LRRC4C: variants seen among roughly 807,000 people sequenced by gnomAD.
The protein encoded by LRRC4C is leucine-rich repeat-containing protein 4C.
Under a neutral mutation model 33.6 loss-of-function variants are expected in LRRC4C, and 5 were observed. The ratio of observed to expected loss-of-function variants is 0.15; its 90% confidence interval spans 0.08 to 0.31. The LOEUF is 0.31. Ranked by LOEUF, LRRC4C falls within the 10% of genes least tolerant of loss-of-function variation. The probability of loss-of-function intolerance (pLI) is 1.00; values close to 1 mark genes in which losing one functional copy is unlikely to be tolerated. For missense variants in LRRC4C, 560 were observed against 796.7 expected (o/e 0.70, Z 3.58); for synonymous variants, 329 against 302.0 (o/e 1.09, Z -0.93).
At chr11:41,194,877 T>A (rs1309010331) in intron 1 of LRRC4C, among the ~76,000 whole-genome samples, 1 of 152,088 alleles carries the variant, frequency 6.6e-6, no homozygotes, top group Non-Finnish European at 1.5e-5. Context: ...ATACCAGATA[T>A]GGAATATGTA....
At chr11:40,832,606 G>A (rs945322481) in intron 2 of LRRC4C, among the ~76,000 whole-genome samples, 1 of 152,092 alleles carries the variant, frequency 6.6e-6, no homozygotes, top group Admixed American at 6.6e-5. Context: ...CAAATGGCAA[G>A]CAAATAAAAG....
chr11:40,901,062 C>A (rs920154857), intron 2 of LRRC4C, among the ~76,000 whole-genome samples: 1 of 151,940 alleles, frequency 6.6e-6, no homozygotes, highest in Non-Finnish European at 1.5e-5. Context: ...ATTTTCAATT[C>A]CTTTTCTTTT....
chr11:40,411,615 T>A (rs1950159046), intron 3 of LRRC4C, among the ~76,000 whole-genome samples: 1 of 152,104 alleles, frequency 6.6e-6, no homozygotes, highest in South Asian at 2.1e-4. Flanking sequence ...AAAATGTGTA[T>A]AAATTATTTG....
intron 2 of LRRC4C, among the ~76,000 whole-genome samples, chr11:40,733,858 C>T (rs919733133): frequency 6.6e-6 from 1 of 152,094 alleles, no homozygotes; most frequent in African/African-American, 2.4e-5. Flanking sequence ...GTGGTAAAAT[C>T]CACTCTTCTT....
At chr11:40,243,854 AT>A (rs60367465) in intron 4 of LRRC4C, among the ~76,000 whole-genome samples, 25,279 of 127,266 alleles carry the variant, frequency 0.2, 2,307 homozygotes, top group Admixed American at 0.3. Context: ...ACACCTGGGT[AT>A]TTTTTTTTTT....
chr11:41,021,939 CT>C (rs1366267212), intron 1 of LRRC4C, among the ~76,000 whole-genome samples: 2 of 151,802 alleles, frequency 1.3e-5, no homozygotes, highest in African/African-American at 4.8e-5. Flanking sequence ...TGCGTCAATA[CT>C]TTGCATTGAA....
intron 3 of LRRC4C, among the ~76,000 whole-genome samples, chr11:40,400,807 C>T (rs981988527): frequency 2.6e-5 from 4 of 152,100 alleles, no homozygotes; most frequent in Admixed American, 2.6e-4. Context: ...ATGTCATTCC[C>T]TCCTCAAATC....
Position 40,331,667 on chromosome 11 carries a change from G to T in LRRC4C, c.-269-11946C>A, listed in dbSNP as rs142364685. ...GCCCTAATATAACCACAAGGTGGAG[G>T]AAGTTTGAATTCTCTCTCTCTTCTT... On this transcript the variant is annotated intron_variant, in intron 3 of 6. Transcript: ENST00000528697. Among the ~76,000 whole-genome samples the T allele has an allele frequency of 3.2e-3, 486 of 152,248 alleles. 5 individuals carry two copies. Among genetic ancestry groups the T allele is most frequent in the African/African-American group, 0.011 (470 of 41,550 alleles).
chr11:41,357,928 C>A (rs1952220050), intron 1 of LRRC4C, among the ~76,000 whole-genome samples: 1 of 151,766 alleles, frequency 6.6e-6, no homozygotes, highest in African/African-American at 2.4e-5. Flanking sequence ...TATAGAGGGG[C>A]AAAAGACCCA....
chr11:40,658,977 C>T (rs946630651), intron 2 of LRRC4C, among the ~76,000 whole-genome samples: 7 of 152,310 alleles, frequency 4.6e-5, no homozygotes, highest in African/African-American at 1.7e-4. Flanking sequence ...GAGCCCTGCA[C>T]CCTAATGAGT....
intron 3 of LRRC4C, among the ~76,000 whole-genome samples, chr11:40,350,944 T>C (rs1409448367): frequency 6.6e-6 from 1 of 152,110 alleles, no homozygotes; most frequent in Non-Finnish European, 1.5e-5. Flanking sequence ...TTTTGTATCC[T>C]GCAACTTTAC....
At chr11:40,982,923 G>A (rs1469867970) in intron 1 of LRRC4C, among the ~76,000 whole-genome samples, 1 of 152,096 alleles carries the variant, frequency 6.6e-6, no homozygotes, top group East Asian at 1.9e-4. Flanking sequence ...AACATGCCAT[G>A]TTTGGTTTTC....
At chr11:40,526,335 A>C (rs1051673062) in intron 3 of LRRC4C, among the ~76,000 whole-genome samples, 28 of 152,158 alleles carry the variant, frequency 1.8e-4, no homozygotes, top group African/African-American at 6.8e-4. Context: ...ATATTTTAAC[A>C]AATATACTCA....
chr11:40,735,011 T>C (rs778322262), intron 2 of LRRC4C, among the ~76,000 whole-genome samples: 2 of 152,024 alleles, frequency 1.3e-5, no homozygotes, highest in Non-Finnish European at 2.9e-5. Context: ...GCTGGGAGGC[T>C]CTCCTCATCT....
intron 3 of LRRC4C, among the ~76,000 whole-genome samples, chr11:40,354,150 T>C (rs1274365312): frequency 6.6e-6 from 1 of 152,174 alleles, no homozygotes; most frequent in Non-Finnish European, 1.5e-5. Context: ...ATAAGATCCA[T>C]GAGAATTCCC....
At chr11:40,133,504 C>T (rs748355096) in intron 6 of LRRC4C, among the ~76,000 whole-genome samples, 9 of 152,058 alleles carry the variant, frequency 5.9e-5, no homozygotes, top group Non-Finnish European at 8.8e-5. Context: ...TAGTAGAGTG[C>T]GGGGAAAGAT....
intron 2 of LRRC4C, among the ~76,000 whole-genome samples, chr11:40,814,785 C>T (rs1275703075): frequency 3.3e-5 from 5 of 151,950 alleles, no homozygotes; most frequent in African/African-American, 7.3e-5. Context: ...AGTCTCTTTG[C>T]TAAAACATAG....
At chr11:40,737,581 A>T (rs1947943725) in intron 2 of LRRC4C, among the ~76,000 whole-genome samples, 1 of 151,988 alleles carries the variant, frequency 6.6e-6, no homozygotes, top group South Asian at 2.1e-4. Context: ...AATAATAAAA[A>T]AAAACAGAGA....
intron 3 of LRRC4C, among the ~76,000 whole-genome samples, chr11:40,406,743 T>C (rs543299187): frequency 6.6e-6 from 1 of 152,264 alleles, no homozygotes; most frequent in South Asian, 2.1e-4. Context: ...AAATCTCACT[T>C]GCAACTTTGA....
Sources: allele counts gnomAD v4.1 joint callset (sites outside exome capture counted in the v4.1 genomes callset), GRCh38; gene constraint gnomAD v4.1.1; transcripts MANE v1.5; gene names NCBI Gene and HGNC (gene_info 2026-07-23, HGNC 2026-07-21).